Variants in ADGRL3 observed in about 807,000 individuals in gnomAD.
ADGRL3 encodes adhesion G protein-coupled receptor L3, also known as calcium-independent alpha-latrotoxin receptor 3.
A neutral mutation model predicts 153.5 loss-of-function variants in ADGRL3; 62 were observed. The observed-to-expected ratio is 0.40, with a 90% CI of 0.33 to 0.50. The LOEUF (loss-of-function observed/expected upper bound fraction) is 0.50. ADGRL3 is among the 20% of genes least tolerant of loss of function. The pLI, the probability that ADGRL3 is intolerant of heterozygous loss-of-function variation, is 0.47. For synonymous variants in ADGRL3, 710 were observed against 672.5 expected (o/e 1.06, Z -0.86); for missense variants, 1,641 against 1,859.4 (o/e 0.88, Z 2.16).
At chr4:61,793,095 CAG>C (rs1342354486) in intron 8 of ADGRL3, among the ~76,000 whole-genome samples, 2 of 151,956 alleles carry the variant, frequency 1.3e-5, no homozygotes, top group Non-Finnish European at 2.9e-5. Context: ...CAGGGAAAGA[CAG>C]AGAGCTTGTG....
chr4:61,302,030 A>G (rs1264101565), intron 1 of ADGRL3, among the ~76,000 whole-genome samples: 1 of 152,208 alleles, frequency 6.6e-6, no homozygotes, highest in Non-Finnish European at 1.5e-5. Flanking sequence ...CTCTTACATT[A>G]TAATACAAAG....
chr4:61,386,565 T>G (rs2151954380), intron 2 of ADGRL3, among the ~76,000 whole-genome samples: 1 of 152,274 alleles, frequency 6.6e-6, no homozygotes, highest in East Asian at 1.9e-4. Context: ...TTACTAAACT[T>G]TGTGATAAAT....
chr4:61,245,915 T>C (rs929208368), intron 1 of ADGRL3, among the ~76,000 whole-genome samples: 1 of 151,954 alleles, frequency 6.6e-6, no homozygotes. Context: ...ATTCTTCGTC[T>C]TTATTTTCTT....
chr4:61,304,294 G>A (rs1343970595), intron 1 of ADGRL3, among the ~76,000 whole-genome samples: 1 of 152,136 alleles, frequency 6.6e-6, no homozygotes, highest in Non-Finnish European at 1.5e-5. Context: ...AATTCTCAAG[G>A]GAATACACAC....
intron 1 of ADGRL3, among the ~76,000 whole-genome samples, chr4:61,240,859 A>G (rs1370602649): frequency 6.6e-6 from 1 of 152,078 alleles, no homozygotes. Flanking sequence ...GGCTAGGGAC[A>G]TAGGACATGC....
At chr4:61,312,545 C>T (rs2095052538) in intron 1 of ADGRL3, among the ~76,000 whole-genome samples, 1 of 151,984 alleles carries the variant, frequency 6.6e-6, no homozygotes. Context: ...CTTCTTAAAA[C>T]CCAATAAGAA....
In ADGRL3 at chr4:61,587,211, C is replaced by T; in HGVS notation, c.260-16C>T. ...AGTAACGATGGCATCTCTTTTCTTC[C>T]TCTTCCTTTTGGCAGCTTTCAGCCG... On this transcript the variant is annotated splice_polypyrimidine_tract_variant and intron_variant, in intron 4 of 26. Coordinates refer to ENST00000683033, the MANE Select transcript of ADGRL3 (RefSeq NM_001387552.1). 6.4e-7 allele frequency: 1 copy of T among 1,574,340 alleles called. No individual in the cohort carries two copies. Among genetic ancestry groups the T allele is most frequent in the South Asian group, 1.2e-5 (1 of 86,728 alleles).
chr4:61,392,708 A>G (rs146592521), intron 2 of ADGRL3, among the ~76,000 whole-genome samples: 2 of 92,790 alleles, frequency 2.2e-5, no homozygotes, highest in African/African-American at 3.0e-5. Context: ...AAAAAAAAAG[A>G]AAAAGGAAAA....
chr4:61,472,106 T>C (rs1025384973), intron 2 of ADGRL3, among the ~76,000 whole-genome samples: 50 of 152,080 alleles, frequency 3.3e-4, no homozygotes, highest in Non-Finnish European at 6.8e-4. Context: ...AAGGCATTGC[T>C]TATTGAACAC....
At chr4:61,789,134 T>C (rs565272808) in intron 8 of ADGRL3, among the ~76,000 whole-genome samples, 1 of 152,248 alleles carries the variant, frequency 6.6e-6, no homozygotes, top group South Asian at 2.1e-4. Context: ...TTTTTACTTA[T>C]TTTTGGGATT....
chr4:61,799,874 TA>T (rs146968093), intron 8 of ADGRL3, among the ~76,000 whole-genome samples: 2,822 of 149,722 alleles, frequency 0.019, 78 homozygotes, highest in African/African-American at 0.061. Flanking sequence ...TATATATGAT[TA>T]AAAAAAAAAT....
At chr4:61,473,339 A>G (rs1011049440) in intron 2 of ADGRL3, among the ~76,000 whole-genome samples, 1 of 151,876 alleles carries the variant, frequency 6.6e-6, no homozygotes, top group Non-Finnish European at 1.5e-5. Flanking sequence ...TCACTTTTGT[A>G]CCCTGGGTAC....
chr4:61,240,491 T>A (rs1209208995), intron 1 of ADGRL3, among the ~76,000 whole-genome samples: 1 of 152,154 alleles, frequency 6.6e-6, no homozygotes, highest in African/African-American at 2.4e-5. Context: ...ATAAGAAAAC[T>A]TTATTTTTCT....
chr4:61,467,436 G>A (rs903026302), intron 2 of ADGRL3, among the ~76,000 whole-genome samples: 2 of 151,606 alleles, frequency 1.3e-5, no homozygotes, highest in Non-Finnish European at 2.9e-5. Context: ...TTGAATAAAA[G>A]AACAAGTTAA....
At chr4:61,955,591 G>A (rs933300265) in intron 17 of ADGRL3, among the ~76,000 whole-genome samples, 3 of 151,980 alleles carry the variant, frequency 2.0e-5, no homozygotes, top group African/African-American at 7.2e-5. Context: ...TTTACTTTAA[G>A]TTCCAGGATA....
chr4:61,381,107 G>T (rs2096661868), intron 1 of ADGRL3, among the ~76,000 whole-genome samples: 1 of 152,030 alleles, frequency 6.6e-6, no homozygotes, highest in Non-Finnish European at 1.5e-5. Context: ...GGCTGTAATT[G>T]AGAAAGGCAT....
intron 8 of ADGRL3, among the ~76,000 whole-genome samples, chr4:61,772,204 A>G (rs771068572): frequency 8.5e-5 from 13 of 152,194 alleles, no homozygotes; most frequent in Non-Finnish European, 1.5e-4. Flanking sequence ...TTCTCCTGCT[A>G]ATCTGAATTT....
chr4:61,556,937 A>T (rs543331273), intron 4 of ADGRL3, among the ~76,000 whole-genome samples: 1 of 152,148 alleles, frequency 6.6e-6, no homozygotes, highest in Non-Finnish European at 1.5e-5. Context: ...ACATATGGAC[A>T]CTAATTTGTA....
intron 8 of ADGRL3, among the ~76,000 whole-genome samples, chr4:61,757,452 G>T (rs1201115869): frequency 1.3e-5 from 2 of 152,058 alleles, no homozygotes; most frequent in African/African-American, 4.8e-5. Context: ...TATTTCTGTG[G>T]GATCGGCAGT....
Sources: allele counts gnomAD v4.1 joint callset (sites outside exome capture counted in the v4.1 genomes callset), GRCh38; gene constraint gnomAD v4.1.1; transcripts MANE v1.5; gene names NCBI Gene and HGNC (gene_info 2026-07-23, HGNC 2026-07-21).